The following FBXO16 variants were observed in gnomAD, a reference collection of about 807,000 sequenced individuals.
FBXO16 encodes the protein F-box protein 16.
In FBXO16, 31 loss-of-function variants were observed where a neutral mutation model predicts 41.0. The observed-to-expected ratio is 0.76, with a 90% confidence interval of 0.57 to 1.02. The LOEUF is 1.02. Ranked by LOEUF, FBXO16 falls within the 50% of genes least tolerant of loss-of-function variation. FBXO16 has a pLI of 0.00. For synonymous variants in FBXO16, 133 were observed against 117.8 expected (o/e 1.13, Z -0.84); for missense variants, 361 against 346.2 (o/e 1.04, Z -0.34).
At chr8:28,459,625 A>ATAC (rs1014841881) in intron 4 of FBXO16, among the ~76,000 whole-genome samples, 4 of 94,128 alleles carry the variant, frequency 4.2e-5, no homozygotes, top group African/African-American at 1.4e-4. Context: ...TGTCTCAAAA[A>ATAC]TAATAATAAT....
In FBXO16 at chr8:28,461,941, A is replaced by G. The variant is rs1425090517; in HGVS notation, c.342+1671T>C. On this transcript the variant is annotated intron_variant, in intron 4 of 8. Coordinates refer to ENST00000380254, the MANE Select transcript of FBXO16 (RefSeq NM_172366.4). ...CAATTATCCCTACACCATTTATTGA[A>G]TAATACTTTTTTTTTTGAGACAGAG... 2.0e-5 allele frequency among the ~76,000 whole-genome samples: 3 copies of G among 151,810 alleles called. No individual in the cohort carries two copies. In the East Asian group the frequency reaches 5.8e-4, roughly 29 times the overall value.
intron 3 of FBXO16, among the ~76,000 whole-genome samples, chr8:28,470,193 TA>T (rs879275561): frequency 1.3e-3 from 181 of 144,100 alleles, no homozygotes; most frequent in Middle Eastern, 6.9e-3. Context: ...GACTCCGTCT[TA>T]AAAAAAAAAA....
intron 4 of FBXO16, among the ~76,000 whole-genome samples, chr8:28,462,567 C>T (rs1186877163): frequency 4.6e-5 from 7 of 152,238 alleles, no homozygotes; most frequent in Admixed American, 2.6e-4. Flanking sequence ...CGTGAGCCAC[C>T]GCGCCCGGCC....
intron 4 of FBXO16, among the ~76,000 whole-genome samples, chr8:28,462,404 G>A (rs1346919730): frequency 1.3e-5 from 2 of 150,922 alleles, no homozygotes; most frequent in Non-Finnish European, 2.9e-5. Context: ...TCAGCCTCCC[G>A]AGTAGCTGGG....
At chr8:28,462,277 C>CTTTTT (rs377494554) in intron 4 of FBXO16, among the ~76,000 whole-genome samples, 1 of 133,558 alleles carries the variant, frequency 7.5e-6, no homozygotes, top group Non-Finnish European at 1.6e-5. Context: ...TCTTCTTCTT[C>CTTTTT]TTTTTTTTTT....
intron 2 of FBXO16, among the ~76,000 whole-genome samples, 174 bp from the exon 3 acceptor site, chr8:28,473,981 C>A (rs1386334952): frequency 6.6e-6 from 1 of 151,962 alleles, no homozygotes; most frequent in African/African-American, 2.4e-5. Context: ...AGGTTTCTCT[C>A]TCTTTTTTTT....
rs1007057533 is a variant in FBXO16 at position 28,446,330 on chromosome 8, G to A, written c.843+841C>T. Among the ~76,000 whole-genome samples the A allele has an allele frequency of 2.0e-5, 3 of 151,038 alleles. No individual in the cohort carries two copies. The South Asian group carries it at 6.3e-4, about 32-fold the overall frequency. ...ACCCGCCATAGGCATGTGCCACCAC[G>A]CCCAGCTAATTTTTGTATTGTTAGT... On this transcript the variant is annotated intron_variant, in intron 7 of 8. Transcript: ENST00000380254.
intron 2 of FBXO16, among the ~76,000 whole-genome samples, chr8:28,482,629 G>C (rs1233049055): frequency 6.6e-6 from 1 of 152,144 alleles, no homozygotes; most frequent in Admixed American, 6.5e-5. Flanking sequence ...GGAGTGCAAT[G>C]GTGTGATCTT....
rs551737872 is a variant in FBXO16 at position 28,469,135 on chromosome 8, C to G, written c.135+4637G>C. 9.2e-5 allele frequency among the ~76,000 whole-genome samples: 14 copies of G among 151,632 alleles called. No homozygotes were observed. In the South Asian group the frequency reaches 1.5e-3, roughly 16 times the overall value. ...ACCAGCCTGACCAACATGGAGAAAC[C>G]CCATCTCTACTAAAAAAAAATTACA... On this transcript the variant is annotated intron_variant, in intron 3 of 8. Coordinates refer to ENST00000380254, the MANE Select transcript of FBXO16 (RefSeq NM_172366.4).
intron 6 of FBXO16, among the ~76,000 whole-genome samples, chr8:28,449,301 C>T (rs1400689105): frequency 6.9e-6 from 1 of 145,930 alleles, no homozygotes; most frequent in Non-Finnish European, 1.5e-5. Context: ...AGATCGAATG[C>T]AATATGTAGA....
chr8:28,481,486 C>T (rs1180479764), intron 2 of FBXO16, among the ~76,000 whole-genome samples: 3 of 152,028 alleles, frequency 2.0e-5, no homozygotes, highest in Admixed American at 1.3e-4. Context: ...TCTCACACTC[C>T]GAAACATCTT....
chr8:28,440,181 C>A (rs1011189267), intron 7 of FBXO16, among the ~76,000 whole-genome samples: 3 of 152,054 alleles, frequency 2.0e-5, no homozygotes, highest in Admixed American at 6.6e-5. Flanking sequence ...TGGCTCACTG[C>A]CCCCTTAACC....
intron 2 of FBXO16, among the ~76,000 whole-genome samples, chr8:28,474,980 G>A (rs1016953330): frequency 2.6e-5 from 4 of 152,204 alleles, no homozygotes; most frequent in African/African-American, 9.7e-5. Flanking sequence ...TGGCAGAGAA[G>A]GGGGTTATTA....
intron 7 of FBXO16, among the ~76,000 whole-genome samples, chr8:28,438,451 C>A (rs1165376455): frequency 6.6e-6 from 1 of 152,194 alleles, no homozygotes; most frequent in Non-Finnish European, 1.5e-5. Context: ...CAGGGCCTCC[C>A]ACCAATGCCT....
chr8:28,480,933 A>G (rs1803500650), intron 2 of FBXO16, among the ~76,000 whole-genome samples: 1 of 152,212 alleles, frequency 6.6e-6, no homozygotes, highest in Admixed American at 6.5e-5. Context: ...GAGAGCAAAG[A>G]AAAGGAAGCA....
intron 1 of FBXO16, among the ~76,000 whole-genome samples, chr8:28,487,391 GAT>G (rs1491504564): frequency 6.5e-5 from 9 of 139,324 alleles, no homozygotes; most frequent in Admixed American, 5.1e-4. Flanking sequence ...TAAGAAGACA[GAT>G]TTTTTTTTTT....
chr8:28,440,466 G>A (rs987437730), intron 7 of FBXO16, among the ~76,000 whole-genome samples: 4 of 152,160 alleles, frequency 2.6e-5, no homozygotes, highest in East Asian at 1.9e-4. Flanking sequence ...TAGTGGTACA[G>A]TTGAAACTAG....
chr8:28,455,030 T>A (rs979940270), intron 5 of FBXO16, among the ~76,000 whole-genome samples: 1 of 152,076 alleles, frequency 6.6e-6, no homozygotes, highest in Admixed American at 6.6e-5. Flanking sequence ...TTTTAGTATA[T>A]GTGCTACTGA....
chr8:28,480,734 A>G (rs1803497344), intron 2 of FBXO16, among the ~76,000 whole-genome samples: 1 of 151,784 alleles, frequency 6.6e-6, no homozygotes, highest in African/African-American at 2.4e-5. Context: ...TGAATTCCTG[A>G]CCTCAGGTGA....
Sources: allele counts gnomAD v4.1 joint callset (sites outside exome capture counted in the v4.1 genomes callset), GRCh38; gene constraint gnomAD v4.1.1; transcripts MANE v1.5; gene names NCBI Gene and HGNC (gene_info 2026-07-23, HGNC 2026-07-21).